The following FARP2 variants were observed in gnomAD, a reference collection of about 807,000 sequenced individuals.
FARP2 encodes FERM, ARHGEF and pleckstrin domain-containing protein 2.
FARP2 carries 111 observed loss-of-function variants against 130.5 expected under a neutral mutation model. The observed-to-expected ratio is 0.85, with a 90% CI of 0.73 to 1.00. The LOEUF (loss-of-function observed/expected upper bound fraction) is 1.00, where lower values mean the gene tolerates loss of function less well. Among genes scored for constraint, FARP2 ranks in the 50% least tolerant of loss-of-function variants. FARP2 has a pLI of 0.00. For missense variants in FARP2, 1,385 were observed against 1,346.3 expected (o/e 1.03, Z -0.45); for synonymous variants, 504 against 516.9 (o/e 0.98, Z 0.34).
rs747406898 is a variant in FARP2, at chr2:241,431,755, A to G, written c.848A>G (p.Lys283Arg). 51 of 1,531,410 alleles carry G rather than the reference A, an allele frequency of 3.3e-5. No homozygotes were observed. The highest frequency in any genetic ancestry group is 5.1e-5 in the Admixed American group (3 of 58,682). 94.9% of individuals were successfully genotyped at this position (1,531,410 alleles called of 1,614,324 possible). Residue 283 changes from lysine (K) to arginine (R), a missense_variant, in exon 9 of 27, where the codon AAA (lysine) becomes AGA (arginine). Lys to Arg is a conservative substitution (Grantham distance 26). Coordinates refer to ENST00000264042, the MANE Select transcript of FARP2 (RefSeq NM_014808.4). ...LSFKRKRFLI[K>R]LHPEVHGPYQ... ...TTCAAGAGGAAAAGATTTCTTATCA[A>G]ACTTCATCCAGAGGTTCATGTAAGT... is the stretch of plus-strand genomic sequence containing the variant.
intron 14 of FARP2, among the ~76,000 whole-genome samples, chr2:241,460,472 C>G (rs2063984937): frequency 6.6e-6 from 1 of 151,134 alleles, no homozygotes; most frequent in African/African-American, 2.4e-5. Flanking sequence ...GAGACAGGGT[C>G]TCACTATGTT....
At chr2:241,395,788 T>C (rs1447553855) in intron 2 of FARP2, 2 of 152,232 alleles carry the variant, frequency 1.3e-5, no homozygotes, top group South Asian at 4.1e-4. Context: ...CAGTTGTTTT[T>C]TTGTTGTTGT....
At chr2:241,399,345 G>A (rs1270515347) in intron 2 of FARP2, among the ~76,000 whole-genome samples, 1 of 151,986 alleles carries the variant, frequency 6.6e-6, no homozygotes, top group East Asian at 1.9e-4. Flanking sequence ...TAGCTCTCTC[G>A]CACAGGCTGG....
chr2:241,423,019 A>T (rs1013862488), intron 8 of FARP2, among the ~76,000 whole-genome samples: 1 of 152,250 alleles, frequency 6.6e-6, no homozygotes, highest in Admixed American at 6.5e-5. Flanking sequence ...GGAGAATGGA[A>T]TCAAGTTGGA....
chr2:241,370,436 A>G (rs1238031934), intron 1 of FARP2, among the ~76,000 whole-genome samples: 2 of 152,186 alleles, frequency 1.3e-5, no homozygotes, highest in African/African-American at 4.8e-5. Flanking sequence ...AAAAATTTGA[A>G]GTTTGTGAGG....
intron 2 of FARP2, among the ~76,000 whole-genome samples, chr2:241,388,586 A>G (rs1044618058): frequency 2.0e-5 from 3 of 152,236 alleles, no homozygotes; most frequent in Admixed American, 6.5e-5. Context: ...TGCAAAAGAT[A>G]TATCTGATAA....
chr2:241,407,644 G>T (rs374429926), intron 5 of FARP2, 29 bp downstream of exon 5: 5 of 1,554,834 alleles, frequency 3.2e-6, no homozygotes, highest in Admixed American at 1.7e-5. Context: ...TGAAGCTGTT[G>T]TCAGCAGGAA....
intron 24 of FARP2, among the ~76,000 whole-genome samples, chr2:241,492,109 C>T (rs1445185222): frequency 2.6e-5 from 4 of 152,202 alleles, no homozygotes; most frequent in Non-Finnish European, 5.9e-5. Flanking sequence ...CATTGTGGGT[C>T]ACCAGGTTCC....
Position 241,481,514 on chromosome 2 carries a change from T to C in FARP2, c.2263-1951T>C, listed in dbSNP as rs75025456. Among the ~76,000 whole-genome samples the C allele has an allele frequency of 4.0e-3, 608 of 152,344 alleles. 9 individuals are homozygous for C. Among genetic ancestry groups the C allele is most frequent in the Non-Finnish European group, 6.1e-3 (413 of 68,028 alleles). ...AAGCTTGGAGAAATGAATTAGCCTGTAATATACAGGAAACCTTCCCCACTT... is the reference window on the plus strand; with the variant it reads ...AAGCTTGGAGAAATGAATTAGCCTGCAATATACAGGAAACCTTCCCCACTT... On this transcript the variant is annotated intron_variant, in intron 19 of 26. Transcript: ENST00000264042.
intron 4 of FARP2, chr2:241,405,141 T>A (rs961671060): frequency 4.3e-6 from 1 of 234,316 alleles, no homozygotes; most frequent in African/African-American, 2.2e-5. Flanking sequence ...GAAAAGACAT[T>A]GAGATTCTTC....
At position 241,394,398 on chromosome 2, in the gene FARP2, G is replaced by A. The variant is rs1254214023; in HGVS notation, c.184-9430G>A. On this transcript the variant is annotated intron_variant, in intron 2 of 26. Coordinates refer to ENST00000264042, the MANE Select transcript of FARP2 (RefSeq NM_014808.4). ...CTGGGCGTGATGGCGGGCACCTGTA[G>A]TCCCAGCTACTCAGGAGGCTGAGGC... 3.3e-5 allele frequency among the ~76,000 whole-genome samples: 5 copies of A among 152,036 alleles called. No homozygotes were observed. The South Asian group carries it at 8.3e-4, about 25-fold the overall frequency.
chr2:241,456,041 A>T (rs979659762), intron 13 of FARP2, among the ~76,000 whole-genome samples: 1 of 151,774 alleles, frequency 6.6e-6, no homozygotes, highest in African/African-American at 2.4e-5. Flanking sequence ...TTTTTTAAAT[A>T]GAAAAGGATT....
intron 2 of FARP2, among the ~76,000 whole-genome samples, chr2:241,381,943 C>G (rs6761444): frequency 6.6e-6 from 1 of 152,048 alleles, no homozygotes; most frequent in South Asian, 2.1e-4. Flanking sequence ...GACCAATCAA[C>G]GCCATCTCTC....
rs146257991 is a variant in FARP2, at chr2:241,462,238, A to G, written c.1588-285A>G. The stretch of plus-strand genomic sequence containing the variant: ...ATGGACCTGTGTCTGCTAACCAGCT[A>G]TGCCACTGGCAGTGATATATAAAAA... On this transcript the variant is annotated intron_variant, in intron 14 of 26. Coordinates refer to ENST00000264042, the MANE Select transcript of FARP2 (RefSeq NM_014808.4). Among the ~76,000 whole-genome samples, 1,085 of 152,368 alleles carry G rather than the reference A, an allele frequency of 7.1e-3. 30 individuals carry two copies. In the South Asian group the frequency reaches 0.073, roughly 10 times the overall value.
chr2:241,384,342 A>G (rs1236114252), intron 2 of FARP2, among the ~76,000 whole-genome samples: 1 of 152,152 alleles, frequency 6.6e-6, no homozygotes, highest in Non-Finnish European at 1.5e-5. Context: ...GCTTTTTGCC[A>G]CAGTGGTAGA....
chr2:241,432,400 G>T (rs1463840479), intron 9 of FARP2, among the ~76,000 whole-genome samples: 1 of 152,150 alleles, frequency 6.6e-6, no homozygotes, highest in Non-Finnish European at 1.5e-5. Flanking sequence ...CATCTGACAA[G>T]CTCCTAGGGG....
chr2:241,486,885 G>C (rs77799062), intron 21 of FARP2, among the ~76,000 whole-genome samples: 2,473 of 152,252 alleles, frequency 0.016, 75 homozygotes, highest in African/African-American at 0.057. Flanking sequence ...CTCCACCATG[G>C]AAAGTGCTAG....
At position 241,461,422 on chromosome 2, in the gene FARP2, G is replaced by A. The variant is rs114097377; in HGVS notation, c.1588-1101G>A. Among the ~76,000 whole-genome samples, 817 of 151,694 alleles carry A rather than the reference G, an allele frequency of 5.4e-3. 13 individuals carry two copies. Among genetic ancestry groups the A allele is most frequent in the African/African-American group, 0.018 (758 of 41,516 alleles). On this transcript the variant is annotated intron_variant, in intron 14 of 26. Coordinates refer to ENST00000264042, the MANE Select transcript of FARP2 (RefSeq NM_014808.4). ...ACCCCAAAGGGTCCAGAAGGCCCACGTGGCCTGCTTCCCCACCAATAGCCT... is the reference window on the plus strand; with the variant it reads ...ACCCCAAAGGGTCCAGAAGGCCCACATGGCCTGCTTCCCCACCAATAGCCT...
chr2:241,464,834 C>T (rs1323271754), intron 17 of FARP2, among the ~76,000 whole-genome samples: 2 of 152,088 alleles, frequency 1.3e-5, no homozygotes, highest in African/African-American at 2.4e-5. Flanking sequence ...GGGTCTCCCT[C>T]AGAATCTTGT....
Sources: allele counts gnomAD v4.1 joint callset (sites outside exome capture counted in the v4.1 genomes callset), GRCh38; gene constraint gnomAD v4.1.1; transcripts MANE v1.5; gene names NCBI Gene and HGNC (gene_info 2026-07-23, HGNC 2026-07-21).